The following GRIP1 variants were observed in gnomAD, a reference collection of about 807,000 sequenced individuals.
GRIP1 encodes glutamate receptor-interacting protein 1.
Under a neutral mutation model 129.9 loss-of-function variants are expected in GRIP1, and 45 were observed. The ratio of observed to expected loss-of-function variants is 0.35; its 90% confidence interval spans 0.27 to 0.44. GRIP1 has a LOEUF of 0.44. Among genes scored for constraint, GRIP1 ranks in the 20% least tolerant of loss-of-function variants. GRIP1 has a pLI of 1.00. For synonymous variants in GRIP1, 530 were observed against 520.8 expected, an observed-to-expected ratio of 1.02 and a Z score of -0.24; for missense variants, 1,196 against 1,396.8, an observed-to-expected ratio of 0.86 and a Z score of 2.29.
chr12:66,433,192 A>G (rs937675386), intron 13 of GRIP1, among the ~76,000 whole-genome samples: 3 of 152,164 alleles, frequency 2.0e-5, no homozygotes, highest in African/African-American at 7.2e-5. Flanking sequence ...GAGTGGGTGG[A>G]GAGGTGCCTT....
At chr12:66,640,897 C>T (rs1303304366) in intron 1 of GRIP1, among the ~76,000 whole-genome samples, 2 of 152,166 alleles carry the variant, frequency 1.3e-5, no homozygotes, top group African/African-American at 4.8e-5. Context: ...ATAAATCCCA[C>T]TGGGGGAAAA....
chr12:66,896,489 A>AAAACAAAAAAAAAAACAAAAAAAAAAAC (rs779483048), intron 1 of GRIP1, among the ~76,000 whole-genome samples: 1 of 149,594 alleles, frequency 6.7e-6, no homozygotes, highest in Admixed American at 6.7e-5. Flanking sequence ...TGAAAAAAAA[A>AAAACAAAAAAAAAAACAAAAAAAAAAAC]AAAAAAACTT....
At chr12:66,962,505 A>G (rs1264690423) in intron 1 of GRIP1, among the ~76,000 whole-genome samples, 1 of 152,162 alleles carries the variant, frequency 6.6e-6, no homozygotes, top group Admixed American at 6.6e-5. Context: ...CTAAAAAGCG[A>G]AAGTGGCCTC....
At chr12:66,528,976 G>T (rs1408631538) in intron 5 of GRIP1, among the ~76,000 whole-genome samples, 1 of 152,044 alleles carries the variant, frequency 6.6e-6, no homozygotes, top group Non-Finnish European at 1.5e-5. Context: ...TCAAAAAGTG[G>T]GCTAAGGACA....
chr12:66,637,209 A>AAAAT (rs931069845), intron 1 of GRIP1, among the ~76,000 whole-genome samples: 46 of 152,250 alleles, frequency 3.0e-4, no homozygotes, highest in Admixed American at 1.6e-3. Flanking sequence ...GAAACTGTAT[A>AAAAT]AAATAAATAA....
At chr12:66,421,167 G>T (rs901253851) in intron 14 of GRIP1, among the ~76,000 whole-genome samples, 1 of 152,192 alleles carries the variant, frequency 6.6e-6, no homozygotes, top group African/African-American at 2.4e-5. Flanking sequence ...CCTTTCCAGT[G>T]AGGAGACACC....
chr12:66,808,409 T>C (rs1449069205), upstream of GRIP1, among the ~76,000 whole-genome samples: 2 of 152,160 alleles, frequency 1.3e-5, no homozygotes, highest in Non-Finnish European at 2.9e-5. Context: ...GCGATTCTCC[T>C]GCCTCAGCCT....
intron 1 of GRIP1, among the ~76,000 whole-genome samples, chr12:67,036,012 A>C (rs889145969): frequency 7.9e-5 from 12 of 152,186 alleles, no homozygotes; most frequent in African/African-American, 2.7e-4. Flanking sequence ...TGCAACATGC[A>C]CTGGAAGGTT....
intron 14 of GRIP1, among the ~76,000 whole-genome samples, chr12:66,422,125 A>AT (rs1434116395): frequency 1.3e-5 from 2 of 152,212 alleles, no homozygotes; most frequent in African/African-American, 2.4e-5. Flanking sequence ...GAGCCATATC[A>AT]TATCCCATAA....
chr12:66,645,485 T>A (rs1362326388), intron 1 of GRIP1, among the ~76,000 whole-genome samples: 8 of 152,224 alleles, frequency 5.3e-5, no homozygotes, highest in Admixed American at 5.2e-4. Context: ...GGGATTAACT[T>A]TGGCTTGGAG....
At chr12:66,526,708 A>G (rs558697729) in intron 5 of GRIP1, among the ~76,000 whole-genome samples, 1,684 of 151,834 alleles carry the variant, frequency 0.011, 24 homozygotes, top group African/African-American at 0.037. Context: ...GAGCTTCTGC[A>G]CAGCAAAAGA....
chr12:66,455,965 C>A (rs2058947910), intron 10 of GRIP1, among the ~76,000 whole-genome samples: 1 of 152,158 alleles, frequency 6.6e-6, no homozygotes, highest in Non-Finnish European at 1.5e-5. Context: ...TGAATTGTTA[C>A]TTCCTGAGCC....
chr12:66,893,698 C>T (rs2040699158), intron 1 of GRIP1, among the ~76,000 whole-genome samples: 1 of 152,174 alleles, frequency 6.6e-6, no homozygotes, highest in Admixed American at 6.5e-5. Flanking sequence ...TGCAAACATA[C>T]ATTCTTATTT....
At chr12:66,898,064 A>G (rs1296697004) in intron 1 of GRIP1, among the ~76,000 whole-genome samples, 2 of 152,212 alleles carry the variant, frequency 1.3e-5, no homozygotes, top group African/African-American at 4.8e-5. Flanking sequence ...TATCACCTAA[A>G]TGCGTGTCCA....
intron 1 of GRIP1, among the ~76,000 whole-genome samples, chr12:66,826,018 T>C (rs1296284698): frequency 2.0e-5 from 3 of 152,166 alleles, no homozygotes; most frequent in African/African-American, 4.8e-5. Context: ...CATATGTTTA[T>C]TGCAGCACTG....
At chr12:66,594,529 G>C (rs1186567304) in intron 2 of GRIP1, among the ~76,000 whole-genome samples, 1 of 152,028 alleles carries the variant, frequency 6.6e-6, no homozygotes, top group Non-Finnish European at 1.5e-5. Flanking sequence ...ATTAGTGTTA[G>C]TGTATTTTAT....
At chr12:66,624,491 T>C (rs1458401472) in intron 1 of GRIP1, among the ~76,000 whole-genome samples, 1 of 152,148 alleles carries the variant, frequency 6.6e-6, no homozygotes, top group African/African-American at 2.4e-5. Context: ...AAAATGTCTC[T>C]TGCCTCTGAA....
At chr12:66,624,790 T>C (rs1173619466) in intron 1 of GRIP1, among the ~76,000 whole-genome samples, 2 of 152,180 alleles carry the variant, frequency 1.3e-5, no homozygotes, top group African/African-American at 2.4e-5. Flanking sequence ...AGGATTTTCA[T>C]TCATAGTTAA....
intron 2 of GRIP1, among the ~76,000 whole-genome samples, chr12:66,550,882 G>A (rs1265350669): frequency 6.6e-6 from 1 of 152,138 alleles, no homozygotes; most frequent in Non-Finnish European, 1.5e-5. Flanking sequence ...AAATGTAAGA[G>A]TTGATAAGGG....
Sources: allele counts gnomAD v4.1 joint callset (sites outside exome capture counted in the v4.1 genomes callset), GRCh38; gene constraint gnomAD v4.1.1; transcripts MANE v1.5; gene names NCBI Gene and HGNC (gene_info 2026-07-23, HGNC 2026-07-21).